The following PRIM2 variants were observed in gnomAD, a reference collection of about 807,000 sequenced individuals.
PRIM2 encodes the protein DNA primase subunit 2.
In PRIM2, 39 loss-of-function variants were observed where a neutral mutation model predicts 67.3. The observed-to-expected ratio is 0.58, with a 90% confidence interval of 0.45 to 0.76. PRIM2 has a LOEUF of 0.76. Ranked by LOEUF, PRIM2 falls within the 30% of genes least tolerant of loss-of-function variation. PRIM2 has a pLI of 0.00. For missense variants in PRIM2, 398 were observed against 598.7 expected, an observed-to-expected ratio of 0.66 and a Z score of 3.50; for synonymous variants, 143 against 198.7, an observed-to-expected ratio of 0.72 and a Z score of 2.36.
At chr6:57,286,616 A>G in the PRIM2 span, among the ~76,000 whole-genome samples, 1 of 152,230 alleles carries the variant, frequency 6.6e-6, no homozygotes, top group South Asian at 2.1e-4. Context: ...CTCAAGGTGG[A>G]TTAAAGACTT....
Position 57,382,183 on chromosome 6 carries a change from T to G in PRIM2, c.693+15T>G, listed in dbSNP as rs774378134. 24 of 1,611,026 alleles carry G rather than the reference T, an allele frequency of 1.5e-5. No homozygotes were observed. In the African/African-American group the frequency reaches 2.9e-4, roughly 20 times the overall value. ...AGGCTTTGGCAGTGAGTATTTTACTTGATTTCTGTATCTGACATGTTCACA... is the reference window on the plus strand; with the variant it reads ...AGGCTTTGGCAGTGAGTATTTTACTGGATTTCTGTATCTGACATGTTCACA... On this transcript the variant is annotated intron_variant, in intron 7 of 13. Coordinates refer to ENST00000615550, the MANE Select transcript of PRIM2 (RefSeq NM_000947.5).
At chr6:57,645,321 TCACA>T (rs1189530732) in intron 13 of PRIM2, among the ~76,000 whole-genome samples, 10,525 of 132,618 alleles carry the variant, frequency 0.079, 432 homozygotes, top group African/African-American at 0.12. Flanking sequence ...ACAATGTCAT[TCACA>T]CACACACACA....
the PRIM2 span, among the ~76,000 whole-genome samples, chr6:57,224,911 A>G: frequency 2.6e-5 from 4 of 152,218 alleles, no homozygotes; most frequent in Non-Finnish European, 5.9e-5. Flanking sequence ...AGCAGGACAT[A>G]AATTTCCCTT....
At chr6:57,330,361 G>GTTTTTTTTTT (rs59599812) in intron 5 of PRIM2, among the ~76,000 whole-genome samples, 4 of 110,388 alleles carry the variant, frequency 3.6e-5, no homozygotes, top group South Asian at 3.1e-4. Flanking sequence ...TTTTTTTTTT[G>GTTTTTTTTTT]TTTTTGTTTT....
chr6:57,434,465 G>T (rs1206978180), intron 7 of PRIM2, among the ~76,000 whole-genome samples: 3 of 151,800 alleles, frequency 2.0e-5, no homozygotes, highest in African/African-American at 4.8e-5. Flanking sequence ...GCCCTGAAAA[G>T]CCCCAGTTTT....
intron 7 of PRIM2, among the ~76,000 whole-genome samples, chr6:57,398,361 A>G (rs1352866186): frequency 2.0e-5 from 3 of 152,108 alleles, no homozygotes; most frequent in African/African-American, 7.2e-5. Flanking sequence ...CTTTGCCCTC[A>G]TTAGTTTAAA....
intron 7 of PRIM2, among the ~76,000 whole-genome samples, chr6:57,397,766 G>T (rs1770567134): frequency 6.6e-6 from 1 of 151,904 alleles, no homozygotes; most frequent in African/African-American, 2.4e-5. Context: ...GGTTTTTCAT[G>T]TCTTGAATTC....
the PRIM2 span, among the ~76,000 whole-genome samples, chr6:57,296,626 G>A: frequency 6.6e-6 from 1 of 151,844 alleles, no homozygotes; most frequent in African/African-American, 2.4e-5. Flanking sequence ...GTGGTAGGGT[G>A]GTGGTAGGGG....
At chr6:57,307,086 C>A in the PRIM2 span, among the ~76,000 whole-genome samples, 1 of 151,856 alleles carries the variant, frequency 6.6e-6, no homozygotes, top group Non-Finnish European at 1.5e-5. Flanking sequence ...GTAGTCCCAG[C>A]TACTCGGGAA....
upstream of PRIM2, among the ~76,000 whole-genome samples, chr6:57,310,464 C>G (rs560033344): frequency 1.3e-5 from 2 of 152,250 alleles, no homozygotes; most frequent in Non-Finnish European, 1.5e-5. Context: ...TACACAGACA[C>G]GGTAACAATC....
intron 10 of PRIM2, among the ~76,000 whole-genome samples, chr6:57,589,943 T>A (rs1219970014): frequency 6.6e-6 from 1 of 152,046 alleles, no homozygotes; most frequent in Non-Finnish European, 1.5e-5. Flanking sequence ...AGGAGAAGTC[T>A]TCATCCCAGG....
intron 8 of PRIM2, among the ~76,000 whole-genome samples, chr6:57,520,941 A>G (rs1774605975): frequency 6.6e-6 from 1 of 152,286 alleles, no homozygotes; most frequent in Non-Finnish European, 1.5e-5. Context: ...GGAATCATAC[A>G]ATTTCTCCCA....
At chr6:57,487,236 A>G (rs1188002281) in intron 7 of PRIM2, among the ~76,000 whole-genome samples, 14 of 152,164 alleles carry the variant, frequency 9.2e-5, no homozygotes, top group African/African-American at 3.4e-4. Context: ...TCATGTTGTT[A>G]AAGATGGACA....
intron 8 of PRIM2, among the ~76,000 whole-genome samples, chr6:57,515,083 A>G (rs1463215920): frequency 2.0e-5 from 3 of 152,222 alleles, no homozygotes; most frequent in Non-Finnish European, 4.4e-5. Context: ...TGTGAACTTG[A>G]TGCATACTTT....
upstream of PRIM2, among the ~76,000 whole-genome samples, chr6:57,309,932 A>C (rs2127261248): frequency 6.6e-6 from 1 of 152,326 alleles, no homozygotes; most frequent in Admixed American, 6.5e-5. Flanking sequence ...CAAAAGACAA[A>C]ATTGACAAAT....
chr6:57,471,822 G>A (rs1773342730), intron 7 of PRIM2, among the ~76,000 whole-genome samples: 1 of 152,156 alleles, frequency 6.6e-6, no homozygotes, highest in South Asian at 2.1e-4. Flanking sequence ...GAATTTATTT[G>A]TGTAGCAATA....
At chr6:57,469,480 A>G (rs1773285827) in intron 7 of PRIM2, among the ~76,000 whole-genome samples, 1 of 152,246 alleles carries the variant, frequency 6.6e-6, no homozygotes, top group African/African-American at 2.4e-5. Flanking sequence ...GAAAACTTGA[A>G]GAAGCAGGTA....
intron 12 of PRIM2, among the ~76,000 whole-genome samples, chr6:57,609,297 A>T (rs1231827635): frequency 6.6e-6 from 1 of 152,242 alleles, no homozygotes; most frequent in African/African-American, 2.4e-5. Context: ...GTGGGAACAT[A>T]GAGGAAATAG....
intron 7 of PRIM2, among the ~76,000 whole-genome samples, chr6:57,399,546 A>G (rs1581864432): frequency 1.3e-5 from 2 of 152,128 alleles, no homozygotes; most frequent in African/African-American, 2.4e-5. Flanking sequence ...AATCCTTTGG[A>G]TATATACCCA....
Sources: allele counts gnomAD v4.1 joint callset (sites outside exome capture counted in the v4.1 genomes callset), GRCh38; gene constraint gnomAD v4.1.1; transcripts MANE v1.5; gene names NCBI Gene and HGNC (gene_info 2026-07-23, HGNC 2026-07-21).